The following ADGRE1 variants were observed in gnomAD, a reference collection of about 807,000 sequenced individuals.
ADGRE1 encodes the protein adhesion G protein-coupled receptor E1.
A neutral mutation model predicts 102.7 loss-of-function variants in ADGRE1; 82 were observed. That is an observed-to-expected ratio of 0.80 (90% confidence interval 0.67 to 0.96). ADGRE1 has a LOEUF of 0.96. Among genes scored for constraint, ADGRE1 ranks in the 40% least tolerant of loss-of-function variants. The pLI, the probability that ADGRE1 is intolerant of heterozygous loss-of-function variation, is 0.00. For synonymous variants in ADGRE1, 398 were observed against 399.6 expected (o/e 1.00, Z 0.05); for missense variants, 1,032 against 1,085.3 (o/e 0.95, Z 0.69).
intron 10 of ADGRE1, 62 bp downstream of exon 10, chr19:6,908,834 G>T (rs1974068529): frequency 6.7e-7 from 1 of 1,495,074 alleles, no homozygotes; most frequent in Non-Finnish European, 9.2e-7. Flanking sequence ...CACTTTGGGT[G>T]CAGAAAGATG....
At chr19:6,930,287 C>A (rs1449968770) in intron 17 of ADGRE1, among the ~76,000 whole-genome samples, 1 of 152,168 alleles carries the variant, frequency 6.6e-6, no homozygotes, top group Non-Finnish European at 1.5e-5. Context: ...TGGATCGAGG[C>A]AAAGGGAGGC....
chr19:6,936,752 A>C (rs1332002063), intron 18 of ADGRE1, among the ~76,000 whole-genome samples: 2 of 151,690 alleles, frequency 1.3e-5, no homozygotes, highest in East Asian at 4.0e-4. Context: ...CCTCCTGGGT[A>C]GCTGGGATTA....
chr19:6,889,555 G>T (rs1973275046), intron 1 of ADGRE1, among the ~76,000 whole-genome samples: 1 of 151,552 alleles, frequency 6.6e-6, no homozygotes, highest in African/African-American at 2.4e-5. Context: ...TGGGCGTGGT[G>T]GTGCGTGCTT....
intron 2 of ADGRE1, among the ~76,000 whole-genome samples, chr19:6,891,540 G>A (rs1457223222): frequency 2.7e-5 from 4 of 150,932 alleles, no homozygotes; most frequent in East Asian, 2.0e-4. Context: ...TGCAAGCTCC[G>A]CCTTCCAGGT....
Position 6,921,816 on chromosome 19 carries a change from CAT to C in ADGRE1, c.1728_1729del (p.Thr577HisfsTer5), listed in dbSNP as rs1974678012. ...TGTGTGATCCTGGAAGCTTCTGAGA[CAT>C]ATACCATCTGCAGCTGTAATCAGAT... On this transcript the variant is annotated frameshift_variant, in exon 14 of 21. Coordinates refer to ENST00000312053, the MANE Select transcript of ADGRE1 (RefSeq NM_001974.5). LOFTEE classifies it high-confidence loss of function. 3.7e-6 allele frequency: 6 copies of C among 1,614,028 alleles called. No individual in the cohort carries two copies. Among genetic ancestry groups the C allele is most frequent in the South Asian group, 1.1e-5 (1 of 91,088 alleles).
chr19:6,922,617 C>CACAA (rs1462849032), intron 14 of ADGRE1, among the ~76,000 whole-genome samples: 146 of 72,790 alleles, frequency 2.0e-3, no homozygotes, highest in African/African-American at 9.1e-3. Flanking sequence ...CTGTCTCACA[C>CACAA]ACACACACAC....
intron 17 of ADGRE1, among the ~76,000 whole-genome samples, chr19:6,930,236 A>G (rs1403107196): frequency 6.6e-6 from 1 of 152,152 alleles, no homozygotes; most frequent in African/African-American, 2.4e-5. Flanking sequence ...AGAAATTAGG[A>G]GGAATTGTGG....
At chr19:6,909,633 T>G (rs1568346698) in intron 10 of ADGRE1, among the ~76,000 whole-genome samples, 1 of 152,214 alleles carries the variant, frequency 6.6e-6, no homozygotes, top group Non-Finnish European at 1.5e-5. Context: ...CATTGCTGTA[T>G]ATAACCATCA....
Position 6,926,399 on chromosome 19 carries a change from TACC to T in ADGRE1, c.2021_2023del (p.Tyr674_Leu675delinsPhe). The T allele has an allele frequency of 6.2e-7, 1 of 1,614,230 alleles. No homozygotes were observed. Among genetic ancestry groups the T allele is most frequent in the Non-Finnish European group, 8.5e-7 (1 of 1,180,044 alleles). On this transcript the variant is annotated inframe_deletion, in exon 16 of 21. Transcript: ENST00000312053. ...CGCCATCATCGCGGGCTTCCTGCAC[TACC>T]TTTTCCTTGCCTGCTTCTTCTGGAT...
chr19:6,937,287 G>T lies in ADGRE1; in HGVS notation c.2426G>T (p.Cys809Phe). Residue 809 changes from cysteine (C) to phenylalanine (F), a missense_variant, in exon 19 of 21, where the codon TGC becomes TTC. Cys to Phe is a radical substitution (Grantham distance 205). Coordinates refer to ENST00000312053, the MANE Select transcript of ADGRE1 (RefSeq NM_001974.5). ...TTTGCCCAGCTCTTCATCCTGGGCT[G>T]CTCCTGGGTGCTGGGCATTTTTCAG... ...KAFAQLFILG[C>F]SWVLGIFQIG... 6.2e-7 allele frequency: 1 copy of T among 1,614,126 alleles called. No individual in the cohort carries two copies. The highest frequency in any genetic ancestry group is 1.1e-5 in the South Asian group (1 of 91,080).
chr19:6,906,553 G>A (rs777897688), intron 9 of ADGRE1, 32 bp downstream of exon 9: 1 of 1,595,010 alleles, frequency 6.3e-7, no homozygotes, highest in East Asian at 2.2e-5. Context: ...TAGTTTTTGA[G>A]GTTTTCTTAG....
intron 18 of ADGRE1, among the ~76,000 whole-genome samples, 197 bp from the exon 19 acceptor site, chr19:6,937,046 C>A (rs1007967585): frequency 2.6e-5 from 4 of 152,170 alleles, no homozygotes; most frequent in Non-Finnish European, 4.4e-5. Context: ...GCTTGAGCCA[C>A]CGCACCCAGC....
intron 13 of ADGRE1, among the ~76,000 whole-genome samples, chr19:6,920,574 A>C (rs2354115): frequency 0.22 from 27,093 of 121,868 alleles, 2,856 homozygotes; most frequent in Middle Eastern, 0.32. Context: ...CCCAGGCTGG[A>C]GTTCAATGGT....
chr19:6,931,890 G>T (rs1247784100), intron 17 of ADGRE1, among the ~76,000 whole-genome samples: 1 of 152,100 alleles, frequency 6.6e-6, no homozygotes, highest in African/African-American at 2.4e-5. Context: ...TTTCTGTAAA[G>T]ATTCTATTTC....
At chr19:6,898,954 G>A (rs756249116) in intron 5 of ADGRE1, among the ~76,000 whole-genome samples, 1 of 152,064 alleles carries the variant, frequency 6.6e-6, no homozygotes, top group Non-Finnish European at 1.5e-5. Flanking sequence ...TATCTTTTAA[G>A]TGTAGCATTA....
intron 20 of ADGRE1, among the ~76,000 whole-genome samples, chr19:6,938,801 C>CT (rs558698686): frequency 0.21 from 28,663 of 137,638 alleles, 3,094 homozygotes; most frequent in African/African-American, 0.26. Context: ...TTCTTTTTTT[C>CT]TTTTTTTTTT....
chr19:6,918,211 G>A (rs1007431160), intron 12 of ADGRE1, among the ~76,000 whole-genome samples: 2 of 152,216 alleles, frequency 1.3e-5, no homozygotes, highest in Non-Finnish European at 2.9e-5. Flanking sequence ...AGGCCAAGGC[G>A]GGCAGATCAC....
At chr19:6,923,062 A>G (rs3890539) in intron 14 of ADGRE1, among the ~76,000 whole-genome samples, 31,650 of 151,968 alleles carry the variant, frequency 0.21, 3,364 homozygotes, top group South Asian at 0.24. Flanking sequence ...GGGTGACAGA[A>G]CCAGACTCCG....
intron 17 of ADGRE1, among the ~76,000 whole-genome samples, chr19:6,934,603 T>A (rs867331473): frequency 0.083 from 7,198 of 86,974 alleles, 634 homozygotes; most frequent in African/African-American, 0.31. Flanking sequence ...TTTTTGTATT[T>A]TTTTTTTTTT....
Sources: allele counts gnomAD v4.1 joint callset (sites outside exome capture counted in the v4.1 genomes callset), GRCh38; gene constraint gnomAD v4.1.1; transcripts MANE v1.5; gene names NCBI Gene and HGNC (gene_info 2026-07-23, HGNC 2026-07-21).